Variants in IPMK observed in about 807,000 individuals in gnomAD.
IPMK encodes inositol 1,3,4,6-tetrakisphosphate 5-kinase.
In IPMK, 17 loss-of-function variants were observed where a neutral mutation model predicts 45.8. That is an observed-to-expected ratio of 0.37 (90% CI 0.25 to 0.56). IPMK has a LOEUF of 0.56. Among genes scored for constraint, IPMK ranks in the 20% least tolerant of loss-of-function variants. The probability of loss-of-function intolerance (pLI) is 0.79; values close to 1 mark genes in which losing one functional copy is unlikely to be tolerated. For missense variants in IPMK, 399 were observed against 498.0 expected (o/e 0.80, Z 1.89); for synonymous variants, 180 against 184.3 (o/e 0.98, Z 0.19).
chr10:58,265,194 C>T (rs1005380952), intron 1 of IPMK, among the ~76,000 whole-genome samples: 20 of 152,114 alleles, frequency 1.3e-4, no homozygotes, highest in Non-Finnish European at 2.9e-5. Context: ...TGTTCAAGCA[C>T]CTTTGTTCTA....
chr10:58,266,846 G>A (rs961225068), intron 1 of IPMK, among the ~76,000 whole-genome samples: 1 of 152,104 alleles, frequency 6.6e-6, no homozygotes, highest in Admixed American at 6.5e-5. Context: ...CTGGAACCAC[G>A]CCTCCCAGAG....
intron 2 of IPMK, among the ~76,000 whole-genome samples, chr10:58,229,764 G>T (rs528307095): frequency 1.4e-4 from 22 of 152,088 alleles, no homozygotes; most frequent in Non-Finnish European, 3.1e-4. Flanking sequence ...GCTCTGGTCT[G>T]CAGCTCCCAG....
chr10:58,199,239 C>G lies in IPMK; in HGVS notation c.628+1G>C. 6.3e-7 allele frequency: 1 copy of G among 1,586,880 alleles called. No individual in the cohort carries two copies. Among genetic ancestry groups the G allele is most frequent in the Non-Finnish European group, 8.6e-7 (1 of 1,159,570 alleles). The stretch of plus-strand genomic sequence containing the variant: ...AAAAGCATTAGTTTTTTAGTCCTTA[C>G]CATCCTTTATAGTTTCTTTTGTTAA... On this transcript the variant is annotated splice_donor_variant, in intron 5 of 5. Transcript: ENST00000373935. LOFTEE classifies it high-confidence loss of function.
At chr10:58,244,385 C>T (rs529146846) in intron 1 of IPMK, among the ~76,000 whole-genome samples, 133 of 147,686 alleles carry the variant, frequency 9.0e-4, no homozygotes, top group Admixed American at 2.2e-3. Context: ...TGCCTCTGCC[C>T]GGCCGCTCCT....
At chr10:58,252,263 A>ATCAAAAACAAACT (rs1343749428) in intron 1 of IPMK, among the ~76,000 whole-genome samples, 1 of 152,198 alleles carries the variant, frequency 6.6e-6, no homozygotes, top group Non-Finnish European at 1.5e-5. Flanking sequence ...CAAACTCTAT[A>ATCAAAAACAAACT]CTTTAACACC....
At chr10:58,220,148 T>C (rs1838310055) in intron 3 of IPMK, among the ~76,000 whole-genome samples, 1 of 152,182 alleles carries the variant, frequency 6.6e-6, no homozygotes, top group African/African-American at 2.4e-5. Flanking sequence ...TGCTGACCTC[T>C]GTGGGTGACT....
chr10:58,229,813 A>T (rs1321694131), intron 2 of IPMK, among the ~76,000 whole-genome samples: 3 of 152,142 alleles, frequency 2.0e-5, no homozygotes, highest in Non-Finnish European at 4.4e-5. Flanking sequence ...CTGCATTTCA[A>T]ACTGAGGTAC....
chr10:58,212,987 G>T, intron 4 of IPMK: 1 of 175,248 alleles, frequency 5.7e-6, no homozygotes, highest in East Asian at 1.4e-4. Context: ...TCATAAATGT[G>T]GAATAACACC....
In IPMK at chr10:58,199,223, A is replaced by C; in HGVS notation, c.628+17T>G. Reference sequence around the variant, plus strand: ...TTAACTGTTCAATCATAAAAGCATTAGTTTTTTAGTCCTTACCATCCTTTA... The same window carrying C: ...TTAACTGTTCAATCATAAAAGCATTCGTTTTTTAGTCCTTACCATCCTTTA... On this transcript the variant is annotated intron_variant, in intron 5 of 5. Coordinates refer to ENST00000373935, the MANE Select transcript of IPMK (RefSeq NM_152230.5). 1.3e-6 allele frequency: 2 copies of C among 1,497,956 alleles called. No homozygotes were observed. Among genetic ancestry groups the C allele is most frequent in the South Asian group, 1.2e-5 (1 of 84,980 alleles). 92.8% of individuals were successfully genotyped at this position (1,497,956 alleles called of 1,614,324 possible).
chr10:58,223,129 TC>T (rs35182179), intron 3 of IPMK, among the ~76,000 whole-genome samples: 51,385 of 151,372 alleles, frequency 0.34, 10,942 homozygotes, highest in African/African-American at 0.61. Context: ...CACCACCTAT[TC>T]CCCCAAAAAC....
chr10:58,242,432 C>T (rs867885840), intron 1 of IPMK, among the ~76,000 whole-genome samples: 20 of 146,856 alleles, frequency 1.4e-4, no homozygotes, highest in South Asian at 6.5e-4. Context: ...TGCACTCCAG[C>T]CTGGGCGACA....
At chr10:58,233,624 T>G (rs1407611889) in intron 2 of IPMK, among the ~76,000 whole-genome samples, 1 of 152,072 alleles carries the variant, frequency 6.6e-6, no homozygotes, top group Non-Finnish European at 1.5e-5. Context: ...TCAACAGCCC[T>G]TCATTAAAAA....
At chr10:58,211,901 CAAA>C (rs753050298) in intron 4 of IPMK, among the ~76,000 whole-genome samples, 111 of 50,370 alleles carry the variant, frequency 2.2e-3, no homozygotes, top group African/African-American at 9.6e-3. Flanking sequence ...GACATCTCAC[CAAA>C]AAAAAAAAAA....
chr10:58,199,366 C>T, intron 4 of IPMK, 45 bp from the exon 5 acceptor site: 1 of 1,311,112 alleles, frequency 7.6e-7, no homozygotes, highest in Non-Finnish European at 1.1e-6. Flanking sequence ...TACTCCTTGA[C>T]CATGTGGGGT....
rs1196706318 is a variant in IPMK, at chr10:58,196,579, C to T, written c.748G>A (p.Ala250Thr). 1.9e-6 allele frequency: 3 copies of T among 1,613,998 alleles called. No individual in the cohort carries two copies. The highest frequency in any genetic ancestry group is 1.3e-5 in the African/African-American group (1 of 75,024). Residue 250 changes from alanine (A) to threonine (T), a missense_variant, in exon 6 of 6, where the codon GCA (alanine) becomes ACA (threonine). Transcript: ENST00000373935. ...FENQKQLNFY[A>T]SSLLFVYEGS... The stretch of plus-strand genomic sequence containing the variant: ...TCATAAACAAAGAGTAATGAACTTG[C>T]GTAAAAATTAAGCTGCTTCTGGTTT...
chr10:58,249,954 A>G (rs991777133), intron 1 of IPMK, among the ~76,000 whole-genome samples: 2 of 152,154 alleles, frequency 1.3e-5, no homozygotes, highest in African/African-American at 4.8e-5. Flanking sequence ...CCCTTCCCCA[A>G]TGTATGTGGC....
intron 1 of IPMK, among the ~76,000 whole-genome samples, chr10:58,266,085 G>A (rs1158856866): frequency 1.3e-5 from 2 of 152,166 alleles, no homozygotes; most frequent in African/African-American, 4.8e-5. Flanking sequence ...AGGAGGAAAT[G>A]TCTATGCTGA....
At chr10:58,251,593 T>A (rs538172678) in intron 1 of IPMK, among the ~76,000 whole-genome samples, 3 of 152,334 alleles carry the variant, frequency 2.0e-5, no homozygotes, top group African/African-American at 7.2e-5. Flanking sequence ...AGTCTCCTAC[T>A]ATTATTCTAT....
At chr10:58,201,882 G>T (rs986162953) in intron 4 of IPMK, among the ~76,000 whole-genome samples, 1 of 152,142 alleles carries the variant, frequency 6.6e-6, no homozygotes, top group Non-Finnish European at 1.5e-5. Flanking sequence ...CTAATATGAA[G>T]AAAGTGTTAG....
Sources: gnomAD v4.1 joint callset for allele counts (sites outside exome capture counted in the v4.1 genomes callset) on GRCh38, gnomAD v4.1.1 for gene constraint, MANE v1.5 for transcripts, NCBI Gene and HGNC (gene_info 2026-07-23, HGNC 2026-07-21) for gene names.